MIS18A: variants seen among roughly 807,000 people sequenced by gnomAD.
The protein encoded by MIS18A is MIS18 kinetochore protein A.
In MIS18A, 14 loss-of-function variants were observed where a neutral mutation model predicts 25.0. The ratio of observed to expected loss-of-function variants is 0.56; its 90% CI spans 0.37 to 0.88. The LOEUF (loss-of-function observed/expected upper bound fraction) is 0.88. MIS18A is among the 40% of genes least tolerant of loss of function. MIS18A has a pLI of 0.00. For synonymous variants in MIS18A, 134 were observed against 118.6 expected, an observed-to-expected ratio of 1.13 and a Z score of -0.84; for missense variants, 292 against 290.8, an observed-to-expected ratio of 1.00 and a Z score of -0.03.
At chr21:32,174,822 T>G in the MIS18A span, among the ~76,000 whole-genome samples, 1 of 152,220 alleles carries the variant, frequency 6.6e-6, no homozygotes, top group African/African-American at 2.4e-5. Context: ...GAATATACAT[T>G]CCCTTCTCAA....
the MIS18A span, among the ~76,000 whole-genome samples, chr21:32,165,109 G>A: frequency 9.2e-5 from 14 of 152,256 alleles, no homozygotes; most frequent in Admixed American, 4.6e-4. Flanking sequence ...TGAGGCAGGC[G>A]GATCACCTGA....
chr21:32,228,839 T>C, the MIS18A span, among the ~76,000 whole-genome samples: 1 of 152,142 alleles, frequency 6.6e-6, no homozygotes, highest in Non-Finnish European at 1.5e-5. Context: ...TTATAAAATA[T>C]TGTTGAAAGA....
chr21:32,269,733 C>T lies in MIS18A; in HGVS notation c.595G>A (p.Val199Ile). ...TGTGTTAGAGACTTTTCTATTTCAA[C>T]TCTGCTTTCAAGATTAAAAAGCTCT... ...DKELFNLESR[V>I]EIEKSLTQME... Residue 199 changes from valine to isoleucine, a missense_variant, in exon 4 of 5, where the codon GTT (valine) becomes ATT (isoleucine). Val to Ile is a conservative substitution (Grantham distance 29). Transcript: ENST00000290130. The T allele has an allele frequency of 6.2e-7, 1 of 1,607,622 alleles. No homozygotes were observed. Among genetic ancestry groups the T allele is most frequent in the Non-Finnish European group, 8.5e-7 (1 of 1,174,106 alleles).
chr21:32,176,680 C>T, the MIS18A span, among the ~76,000 whole-genome samples: 1 of 150,998 alleles, frequency 6.6e-6, no homozygotes. Flanking sequence ...ACAGCAGGAA[C>T]ATAAAACAAG....
At chr21:32,182,845 C>A in the MIS18A span, among the ~76,000 whole-genome samples, 6 of 152,140 alleles carry the variant, frequency 3.9e-5, no homozygotes, top group African/African-American at 1.4e-4. Context: ...TCTGTTCTAG[C>A]AAAGGGAATG....
the MIS18A span, among the ~76,000 whole-genome samples, chr21:32,154,955 T>C: frequency 6.6e-6 from 1 of 152,194 alleles, no homozygotes; most frequent in East Asian, 1.9e-4. Context: ...TTAACTTCTA[T>C]GTGTTGAGCT....
chr21:32,157,054 C>CTTT, the MIS18A span, among the ~76,000 whole-genome samples: 5 of 121,548 alleles, frequency 4.1e-5, no homozygotes, highest in Non-Finnish European at 6.7e-5. Flanking sequence ...TTCTTTCTTT[C>CTTT]TTTTTTTTTT....
the MIS18A span, among the ~76,000 whole-genome samples, chr21:32,212,111 A>T: frequency 6.6e-6 from 1 of 152,210 alleles, no homozygotes; most frequent in Admixed American, 6.5e-5. Context: ...CCTGGTGGAG[A>T]GAGGCAGGAC....
the MIS18A span, among the ~76,000 whole-genome samples, chr21:32,187,098 G>C: frequency 6.6e-6 from 1 of 152,264 alleles, no homozygotes; most frequent in South Asian, 2.1e-4. Context: ...GGGAAGGCTT[G>C]GTTTCTGCAC....
chr21:32,277,021 A>C (rs1452242642), intron 1 of MIS18A, among the ~76,000 whole-genome samples: 2 of 152,234 alleles, frequency 1.3e-5, no homozygotes, highest in Non-Finnish European at 2.9e-5. Flanking sequence ...CAGAATGTAA[A>C]TGTACAGAAT....
the MIS18A span, among the ~76,000 whole-genome samples, chr21:32,220,036 G>C: frequency 6.6e-6 from 1 of 152,202 alleles, no homozygotes; most frequent in Admixed American, 6.5e-5. Context: ...GGAAGGGGCG[G>C]CTGTGGGTGC....
the MIS18A span, among the ~76,000 whole-genome samples, chr21:32,187,453 G>T: frequency 6.6e-6 from 1 of 152,156 alleles, no homozygotes; most frequent in Admixed American, 6.5e-5. Flanking sequence ...CATGAAACCA[G>T]TTAGTCATCT....
chr21:32,170,756 A>G, the MIS18A span, among the ~76,000 whole-genome samples: 1 of 152,032 alleles, frequency 6.6e-6, no homozygotes, highest in Admixed American at 6.6e-5. Context: ...GAACGAAATC[A>G]AGCAGCATAT....
downstream of MIS18A, among the ~76,000 whole-genome samples, chr21:32,267,100 G>A (rs1315530643): frequency 1.3e-5 from 2 of 152,160 alleles, no homozygotes; most frequent in Non-Finnish European, 2.9e-5. Flanking sequence ...CCCCTCTCCT[G>A]CCAGTGTCAC....
chr21:32,170,872 C>T, the MIS18A span, among the ~76,000 whole-genome samples: 1 of 151,846 alleles, frequency 6.6e-6, no homozygotes, highest in Non-Finnish European at 1.5e-5. Context: ...TAGAATAAAG[C>T]TGAGGGGGGA....
the MIS18A span, among the ~76,000 whole-genome samples, chr21:32,203,613 C>CT: frequency 0.06 from 5,123 of 85,282 alleles, 302 homozygotes; most frequent in African/African-American, 0.12. Context: ...TTTTTAAATG[C>CT]TTTTTTTTTT....
intron 1 of MIS18A, chr21:32,278,371 C>T: frequency 5.1e-6 from 2 of 394,654 alleles, no homozygotes; most frequent in East Asian, 4.4e-5. Context: ...ATTTGTTTCT[C>T]TTTTTTTAGG....
At chr21:32,213,808 T>C in the MIS18A span, among the ~76,000 whole-genome samples, 1 of 152,172 alleles carries the variant, frequency 6.6e-6, no homozygotes, top group African/African-American at 2.4e-5. Flanking sequence ...CTTGCATTCC[T>C]TGGCTTGTGG....
At chr21:32,277,613 C>T (rs139365550) in intron 1 of MIS18A, among the ~76,000 whole-genome samples, 2,824 of 152,190 alleles carry the variant, frequency 0.019, 81 homozygotes, top group African/African-American at 0.064. Flanking sequence ...CCACCATGCC[C>T]GGCTAATTTT....
Sources: gnomAD v4.1 joint callset for allele counts (sites outside exome capture counted in the v4.1 genomes callset) on GRCh38, gnomAD v4.1.1 for gene constraint, MANE v1.5 for transcripts, NCBI Gene and HGNC (gene_info 2026-07-23, HGNC 2026-07-21) for gene names.